Variants in LDHA observed in about 807,000 individuals in gnomAD.
LDHA encodes the protein L-lactate dehydrogenase A chain.
A neutral mutation model predicts 36.3 loss-of-function variants in LDHA; 10 were observed. The ratio of observed to expected loss-of-function variants is 0.28; its 90% CI spans 0.17 to 0.47. The LOEUF (loss-of-function observed/expected upper bound fraction) is 0.47. Ranked by LOEUF, LDHA falls within the 20% of genes least tolerant of loss-of-function variation. The pLI is 0.99. For synonymous variants in LDHA, 110 were observed against 136.7 expected (o/e 0.80, Z 1.36); for missense variants, 267 against 405.8 (o/e 0.66, Z 2.94).
intron 6 of LDHA, among the ~76,000 whole-genome samples, chr11:18,405,044 G>A (rs531131470): frequency 8.7e-4 from 132 of 152,098 alleles, no homozygotes; most frequent in African/African-American, 3.0e-3. Flanking sequence ...TCCCCCTCAC[G>A]CTCCCACTTG....
rs1381806932 is a variant in LDHA, at chr11:18,403,761, T to C, written c.660T>C (p.Thr220=). The part of the protein sequence containing the change: ...SLKTLHPDLG[T]DKDKEQWKEV... ...AGACTCTGCACCCAGATTTAGGGAC[T>C]GATAAAGATAAGGAACAGTGGAAAG... Residue 220 remains threonine, a synonymous_variant, in exon 6 of 8, where the codon ACT becomes ACC. Transcript: ENST00000422447. 6.2e-7 allele frequency: 1 copy of C among 1,611,766 alleles called. No homozygotes were observed. The highest frequency in any genetic ancestry group is 8.5e-7 in the Non-Finnish European group (1 of 1,177,824).
At chr11:18,403,920 T>G in intron 6 of LDHA, 109 bp downstream of exon 6, 1 of 753,720 alleles carries the variant, frequency 1.3e-6, no homozygotes, top group Admixed American at 2.0e-5. Flanking sequence ...GTTAGAAAAC[T>G]TGTGTGGTTT....
chr11:18,407,569 C>G lies in LDHA; in HGVS notation c.*288C>G, dbSNP rs200772587. ...CAATGCTGTACGTACTGCATTTGCCCCTTGAGCCAGGTGGATGTTTACCGT... is the reference window on the plus strand; with the variant it reads ...CAATGCTGTACGTACTGCATTTGCCGCTTGAGCCAGGTGGATGTTTACCGT... On this transcript the variant is annotated 3_prime_UTR_variant, in exon 8 of 8. Transcript: ENST00000422447. The G allele has an allele frequency of 8.1e-5, 57 of 700,846 alleles. No homozygotes were observed. Among genetic ancestry groups the G allele is most frequent in the Non-Finnish European group, 6.4e-5 (25 of 388,646 alleles). The allele number at this position is 700,846 out of a possible 1,614,324, so 43.4% of individuals were successfully genotyped here.
chr11:18,397,049 T>A, intron 2 of LDHA, 81 bp downstream of exon 2: 1 of 1,230,184 alleles, frequency 8.1e-7, no homozygotes, highest in Non-Finnish European at 1.2e-6. Context: ...AACTGTATTA[T>A]TACATTTCAT....
intron 3 of LDHA, 29 bp from the exon 4 acceptor site, chr11:18,400,808 A>G: frequency 6.3e-7 from 1 of 1,596,484 alleles, no homozygotes; most frequent in African/African-American, 1.3e-5. Context: ...TAAAGGCCTT[A>G]ATCTGGTCAT....
chr11:18,400,863 C>A lies in LDHA; in HGVS notation c.271C>A (p.Leu91Met). 1 of 1,613,478 alleles carries A rather than the reference C, an allele frequency of 6.2e-7. No individual in the cohort carries two copies. Residue 91 changes from leucine (L) to methionine (M), a missense_variant, in exon 4 of 8, where the codon CTG (leucine) becomes ATG (methionine). Leu to Met is a conservative substitution (Grantham distance 15). Transcript: ENST00000422447. ...KDYNVTANSK[L>M]VIITAGARQQ... ...CTATAATGTAACTGCAAACTCCAAG[C>A]TGGTCATTATCACGGCTGGGGCACG...
chr11:18,407,379 C>G lies in LDHA; in HGVS notation c.*98C>G. 2 of 1,601,754 alleles carry G rather than the reference C, an allele frequency of 1.2e-6. No individual in the cohort carries two copies. The highest frequency in any genetic ancestry group is 1.7e-6 in the Non-Finnish European group (2 of 1,174,090). ...CTTTTTATCTGATCTGTGATTAAAGCAGTAATATTTTAAGATGGACTGGGA... is the reference window on the plus strand; with the variant it reads ...CTTTTTATCTGATCTGTGATTAAAGGAGTAATATTTTAAGATGGACTGGGA... On this transcript the variant is annotated 3_prime_UTR_variant, in exon 8 of 8. Coordinates refer to ENST00000422447, the MANE Select transcript of LDHA (RefSeq NM_005566.4).
chr11:18,403,088 A>G, intron 5 of LDHA, 75 bp downstream of exon 5: 3 of 1,237,152 alleles, frequency 2.4e-6, no homozygotes, highest in South Asian at 2.5e-5. Flanking sequence ...TTATTCAATT[A>G]GAGCCTAATC....
chr11:18,399,660 C>T, intron 3 of LDHA, 112 bp downstream of exon 3: 1 of 801,762 alleles, frequency 1.2e-6, no homozygotes, highest in Non-Finnish European at 2.2e-6. Context: ...TGGCTCACCA[C>T]AGCCTCGAAC....
Position 18,402,944 on chromosome 11 carries a change from G to A in LDHA, c.523G>A (p.Gly175Arg). ...LDSARFRYLM[G>R]ERLGVHPLSC... ...TTCAGCCCGATTCCGTTACCTAATG[G>A]GGGAAAGGCTGGGAGTTCACCCATT... The change falls in exon 5 of 8, where the codon GGG becomes AGG. Residue 175 changes from glycine to arginine, a missense_variant. By Grantham distance (125) the Gly-to-Arg change is moderately radical. Coordinates refer to ENST00000422447, the MANE Select transcript of LDHA (RefSeq NM_005566.4). 1 of 1,612,554 alleles carries A rather than the reference G, an allele frequency of 6.2e-7. No individual in the cohort carries two copies. Among genetic ancestry groups the A allele is most frequent in the South Asian group, 1.1e-5 (1 of 91,042 alleles).
intron 2 of LDHA, chr11:18,397,371 C>T (rs1565034494): frequency 6.2e-6 from 1 of 160,286 alleles, no homozygotes; most frequent in African/African-American, 2.4e-5. Context: ...ACTCAAATCT[C>T]ATTGCCCCTG....
At chr11:18,402,560 A>G (rs1866544602) in intron 4 of LDHA, 2 of 368,064 alleles carry the variant, frequency 5.4e-6, no homozygotes, top group Non-Finnish European at 1.0e-5. Context: ...AGCCTCCCAA[A>G]GTGTTGGGAT....
At position 18,399,455 on chromosome 11, in the gene LDHA, G is replaced by A. The variant is rs758645316; in HGVS notation, c.151G>A (p.Val51Ile). ...MKDLADELAL[V>I]DVIEDKLKGE... ...GGACTTGGCAGATGAACTTGCTCTT[G>A]TTGATGTCATCGAAGACAAATTGAA... Residue 51 changes from valine to isoleucine, a missense_variant, in exon 3 of 8, where the codon GTT (valine) becomes ATT (isoleucine). Transcript: ENST00000422447. 4 of 1,612,992 alleles carry A rather than the reference G, an allele frequency of 2.5e-6. No individual in the cohort carries two copies. Among genetic ancestry groups the A allele is most frequent in the South Asian group, 1.1e-5 (1 of 91,064 alleles).
At chr11:18,398,001 C>G (rs1038187629) in intron 2 of LDHA, among the ~76,000 whole-genome samples, 10 of 152,242 alleles carry the variant, frequency 6.6e-5, no homozygotes, top group African/African-American at 2.4e-4. Flanking sequence ...AACTTTTATT[C>G]CTTACCCACT....
rs1866762860 is a variant in LDHA, at chr11:18,407,965, ATAT to A, written c.*689_*691del. The A allele has an allele frequency of 2.2e-6, 1 of 454,082 alleles. No individual in the cohort carries two copies. Among genetic ancestry groups the A allele is most frequent in the Non-Finnish European group, 4.4e-6 (1 of 226,786 alleles). 28.1% of individuals were successfully genotyped at this position (454,082 alleles called of 1,614,324 possible). ...CCTGCAACGATTTTTTCTAACAGGG[ATAT>A]TATTGACTAATAGCAGAGGATGTAA... On this transcript the variant is annotated 3_prime_UTR_variant, in exon 8 of 8. Coordinates refer to ENST00000422447, the MANE Select transcript of LDHA (RefSeq NM_005566.4).
At chr11:18,399,610 C>A (rs1866412374) in intron 3 of LDHA, 62 bp downstream of exon 3, 1 of 1,256,594 alleles carries the variant, frequency 8.0e-7, no homozygotes, top group South Asian at 1.2e-5. Context: ...TCCAGATGGT[C>A]TCCATTTGTT....
chr11:18,400,716 C>CTTAT (rs770968086), intron 3 of LDHA, 121 bp from the exon 4 acceptor site: 9 of 737,010 alleles, frequency 1.2e-5, no homozygotes, highest in Non-Finnish European at 1.9e-5. Context: ...TTTAAGAAGC[C>CTTAT]ATAATGATAA....
intron 4 of LDHA, 163 bp downstream of exon 4, chr11:18,401,173 G>A (rs1381971621): frequency 3.4e-6 from 1 of 297,278 alleles, no homozygotes; most frequent in Non-Finnish European, 5.2e-6. Flanking sequence ...TTTTGAGGCG[G>A]AGTTTTGCTC....
chr11:18,398,095 T>A (rs549662459), intron 2 of LDHA, among the ~76,000 whole-genome samples: 2 of 151,892 alleles, frequency 1.3e-5, no homozygotes, highest in South Asian at 4.1e-4. Context: ...CAGGTGTGGG[T>A]AAGAAGAGTA....
Sources: allele counts gnomAD v4.1 joint callset (sites outside exome capture counted in the v4.1 genomes callset), GRCh38; gene constraint gnomAD v4.1.1; transcripts MANE v1.5; gene names NCBI Gene and HGNC (gene_info 2026-07-23, HGNC 2026-07-21).